The following RORA variants were observed in gnomAD, a reference collection of about 807,000 sequenced individuals.
RORA encodes RAR related orphan receptor A.
RORA carries 7 observed loss-of-function variants against 69.5 expected under a neutral mutation model. That is an observed-to-expected ratio of 0.10 (90% CI 0.06 to 0.19). RORA has a LOEUF of 0.19. Among genes scored for constraint, RORA ranks in the 10% least tolerant of loss-of-function variants. The pLI, the probability that RORA is intolerant of heterozygous loss-of-function variation, is 1.00. For missense variants in RORA, 457 were observed against 663.0 expected, an observed-to-expected ratio of 0.69 and a Z score of 3.41; for synonymous variants, 261 against 240.8, an observed-to-expected ratio of 1.08 and a Z score of -0.78.
intron 1 of RORA, among the ~76,000 whole-genome samples, chr15:60,890,240 T>C (rs920983869): frequency 6.6e-6 from 1 of 152,196 alleles, no homozygotes; most frequent in African/African-American, 2.4e-5. Flanking sequence ...TGTGGGAAAA[T>C]TGAGAGCTCA....
chr15:61,137,706 C>T (rs1448822342), intron 1 of RORA, among the ~76,000 whole-genome samples: 1 of 152,128 alleles, frequency 6.6e-6, no homozygotes. Flanking sequence ...TAGATGAGTG[C>T]CACTCTTGCT....
intron 8 of RORA, among the ~76,000 whole-genome samples, chr15:60,501,410 TTTC>T (rs1446388352): frequency 6.6e-6 from 1 of 152,156 alleles, no homozygotes; most frequent in Non-Finnish European, 1.5e-5. Context: ...TTTCTTTGGG[TTTC>T]TTCTTATTTT....
At chr15:60,523,331 C>CAGAT (rs1339602159) in intron 3 of RORA, among the ~76,000 whole-genome samples, 14 of 152,082 alleles carry the variant, frequency 9.2e-5, no homozygotes, top group African/African-American at 2.9e-4. Flanking sequence ...TGTAACCATG[C>CAGAT]AGATAGATGT....
At chr15:60,658,318 G>A (rs1005164783) in intron 2 of RORA, among the ~76,000 whole-genome samples, 7 of 152,138 alleles carry the variant, frequency 4.6e-5, no homozygotes, top group African/African-American at 1.4e-4. Flanking sequence ...GCCTCTGAAA[G>A]TGCTGGGATT....
At chr15:60,603,305 G>T (rs1170455571) in intron 2 of RORA, among the ~76,000 whole-genome samples, 1 of 152,148 alleles carries the variant, frequency 6.6e-6, no homozygotes, top group Non-Finnish European at 1.5e-5. Context: ...AGATCATATG[G>T]GATGGATATA....
chr15:60,502,619 C>T, intron 8 of RORA, 141 bp downstream of exon 8: 1 of 663,608 alleles, frequency 1.5e-6, no homozygotes, highest in East Asian at 2.6e-5. Flanking sequence ...CAGTGACTAA[C>T]TAGAAAGTAA....
rs558170905 is a variant in RORA at position 61,066,658 on chromosome 15, C to A, written c.166+162395G>T. 5.3e-5 allele frequency among the ~76,000 whole-genome samples: 8 copies of A among 151,688 alleles called. No homozygotes were observed. In the East Asian group the frequency reaches 1.5e-3, roughly 29 times the overall value. Reference sequence around the variant, plus strand: ...GGTCAGGCTGGTCTCGAACTCCTGACCTCAGGTGATCCACCCACCTTGGCC... The same window carrying A: ...GGTCAGGCTGGTCTCGAACTCCTGAACTCAGGTGATCCACCCACCTTGGCC... On this transcript the variant is annotated intron_variant, in intron 1 of 10. Transcript: ENST00000335670.
rs76311909 is a variant in RORA at position 60,835,962 on chromosome 15, G to A, written c.167-157276C>T. On this transcript the variant is annotated intron_variant, in intron 1 of 10. Transcript: ENST00000335670. Reference sequence around the variant, plus strand: ...TTTGTCTGCAAAACTCAAGTTCTGCGATACTCAAGGCATACATGAATACCT... The same window carrying A: ...TTTGTCTGCAAAACTCAAGTTCTGCAATACTCAAGGCATACATGAATACCT... Among the ~76,000 whole-genome samples, 392 of 152,234 alleles carry A rather than the reference G, an allele frequency of 2.6e-3. 2 individuals carry two copies. The highest frequency in any genetic ancestry group is 0.014 in the Middle Eastern group (4 of 294).
intron 2 of RORA, among the ~76,000 whole-genome samples, chr15:60,547,139 A>C (rs1352619502): frequency 6.6e-6 from 1 of 152,142 alleles, no homozygotes; most frequent in East Asian, 1.9e-4. Flanking sequence ...TTCTAGAAGA[A>C]AGCTAGTGGC....
At chr15:60,510,625 A>C (rs2065663899) in intron 5 of RORA, 1 of 152,562 alleles carries the variant, frequency 6.6e-6, no homozygotes, top group Non-Finnish European at 1.5e-5. Context: ...ATATGATATA[A>C]ATGGCGGGAG....
chr15:60,913,173 A>G (rs1408621837), intron 1 of RORA, among the ~76,000 whole-genome samples: 2 of 152,134 alleles, frequency 1.3e-5, no homozygotes, highest in Non-Finnish European at 2.9e-5. Context: ...CTTCTGAGTG[A>G]TTATGTGCTG....
intron 1 of RORA, among the ~76,000 whole-genome samples, chr15:61,034,470 G>C (rs1467938883): frequency 6.6e-6 from 1 of 151,970 alleles, no homozygotes; most frequent in Non-Finnish European, 1.5e-5. Context: ...ACAGTTCATT[G>C]TTATTCCCTG....
intron 1 of RORA, among the ~76,000 whole-genome samples, chr15:60,825,086 C>T (rs936057794): frequency 3.3e-5 from 5 of 152,192 alleles, no homozygotes; most frequent in Admixed American, 3.3e-4. Flanking sequence ...AGGGTTCATC[C>T]TAATTTGAAT....
chr15:61,209,493 T>C (rs574702411), intron 1 of RORA, among the ~76,000 whole-genome samples: 14 of 152,352 alleles, frequency 9.2e-5, no homozygotes, highest in African/African-American at 2.9e-4. Context: ...CTGTAAATTA[T>C]TAGTATGCTT....
At chr15:60,853,988 G>A (rs2073354087) in intron 1 of RORA, among the ~76,000 whole-genome samples, 1 of 152,190 alleles carries the variant, frequency 6.6e-6, no homozygotes, top group Non-Finnish European at 1.5e-5. Context: ...GTACAGTGGG[G>A]CGTGGTGGCT....
At chr15:61,103,090 C>T (rs1431551716) in intron 1 of RORA, among the ~76,000 whole-genome samples, 9 of 152,162 alleles carry the variant, frequency 5.9e-5, no homozygotes, top group Non-Finnish European at 1.0e-4. Context: ...TTCCCTAACT[C>T]CTTTCACTTA....
At position 60,495,651 on chromosome 15, in the gene RORA, G is replaced by A. The variant is rs1408838839; in HGVS notation, c.*1804C>T. ...GAGGAGACTATTTCTCAGACATAAA[G>A]GGCTGCATGGAAACTCCTACCTTAA... On this transcript the variant is annotated 3_prime_UTR_variant, in exon 11 of 11. Transcript: ENST00000335670. 3.3e-5 allele frequency: 5 copies of A among 152,112 alleles called. No homozygotes were observed. In the East Asian group the frequency reaches 9.6e-4, roughly 29 times the overall value. The allele number at this position is 152,112 out of a possible 1,614,324, so 9.4% of individuals were successfully genotyped here.
intron 1 of RORA, among the ~76,000 whole-genome samples, chr15:61,042,132 A>C (rs190833218): frequency 6.6e-6 from 1 of 152,324 alleles, no homozygotes; most frequent in East Asian, 1.9e-4. Flanking sequence ...CTTTGATTTT[A>C]TGTTTCTAGA....
intron 1 of RORA, among the ~76,000 whole-genome samples, chr15:61,004,606 T>A (rs1025092975): frequency 6.6e-6 from 1 of 152,026 alleles, no homozygotes; most frequent in African/African-American, 2.4e-5. Flanking sequence ...ACTTCCTCTG[T>A]CAGTTATTGA....
Sources: allele counts gnomAD v4.1 joint callset (sites outside exome capture counted in the v4.1 genomes callset), GRCh38; gene constraint gnomAD v4.1.1; transcripts MANE v1.5; gene names NCBI Gene and HGNC (gene_info 2026-07-23, HGNC 2026-07-21).